The following AFG2A variants were observed in gnomAD, a reference collection of about 807,000 sequenced individuals.
AFG2A encodes ATPase family gene 2 protein homolog A.
At chr4:123,080,266 G>A in the AFG2A span, among the ~76,000 whole-genome samples, 3 of 152,174 alleles carry the variant, frequency 2.0e-5, no homozygotes, top group Non-Finnish European at 2.9e-5. Flanking sequence ...GAGAGCTAGC[G>A]CTCTCTCAAG....
the AFG2A span, among the ~76,000 whole-genome samples, chr4:123,017,875 C>T: frequency 6.6e-6 from 1 of 152,132 alleles, no homozygotes; most frequent in Non-Finnish European, 1.5e-5. Flanking sequence ...TGGCACCCAG[C>T]AAGCAAGAGG....
chr4:123,023,152 T>C, the AFG2A span, among the ~76,000 whole-genome samples: 1 of 151,546 alleles, frequency 6.6e-6, no homozygotes, highest in Non-Finnish European at 1.5e-5. Flanking sequence ...AACCTGCACA[T>C]TGTGCACATG....
At chr4:123,176,253 G>A in the AFG2A span, among the ~76,000 whole-genome samples, 1 of 152,102 alleles carries the variant, frequency 6.6e-6, no homozygotes, top group Non-Finnish European at 1.5e-5. Context: ...GTCTTGATCT[G>A]TTACTGTCAC....
At chr4:123,183,731 A>C in the AFG2A span, among the ~76,000 whole-genome samples, 9 of 152,200 alleles carry the variant, frequency 5.9e-5, no homozygotes, top group Non-Finnish European at 1.3e-4. Context: ...TGCTTGATTT[A>C]CATGAGGCCC....
At chr4:123,310,372 TG>T in the AFG2A span, among the ~76,000 whole-genome samples, 1 of 152,260 alleles carries the variant, frequency 6.6e-6, no homozygotes, top group Non-Finnish European at 1.5e-5. Flanking sequence ...TTCTCCATTC[TG>T]TCTACTGAGG....
the AFG2A span, among the ~76,000 whole-genome samples, chr4:123,044,707 C>A: frequency 6.6e-6 from 1 of 152,020 alleles, no homozygotes. Context: ...TTTTTGAAGA[C>A]CCCTCATATA....
chr4:122,997,855 A>G, the AFG2A span, among the ~76,000 whole-genome samples: 1 of 152,076 alleles, frequency 6.6e-6, no homozygotes, highest in Non-Finnish European at 1.5e-5. Context: ...GTAAAGTATT[A>G]TCTCATTGTG....
At chr4:123,163,442 A>C in the AFG2A span, among the ~76,000 whole-genome samples, 2 of 152,274 alleles carry the variant, frequency 1.3e-5, no homozygotes, top group South Asian at 2.1e-4. Context: ...ACTCCATCTC[A>C]AAAAAACAAA....
At chr4:123,065,484 T>C in the AFG2A span, among the ~76,000 whole-genome samples, 124 of 152,268 alleles carry the variant, frequency 8.1e-4, 1 homozygote, top group African/African-American at 2.7e-3. Flanking sequence ...ACTAGAAAAG[T>C]TCAATGTTTC....
the AFG2A span, among the ~76,000 whole-genome samples, chr4:123,088,216 C>G: frequency 6.6e-6 from 1 of 152,122 alleles, no homozygotes; most frequent in African/African-American, 2.4e-5. Flanking sequence ...TCCTTTCACC[C>G]TTTGCTTGCC....
the AFG2A span, among the ~76,000 whole-genome samples, chr4:122,978,878 C>T: frequency 6.6e-6 from 1 of 152,222 alleles, no homozygotes; most frequent in African/African-American, 2.4e-5. Context: ...AAAAGTTTTT[C>T]TGGGACTGGG....
the AFG2A span, among the ~76,000 whole-genome samples, chr4:122,979,049 A>G: frequency 5.5e-3 from 830 of 152,262 alleles, 3 homozygotes; most frequent in Non-Finnish European, 9.2e-3. Context: ...CTTGGAAAAG[A>G]GCAGGGCTCC....
chr4:123,179,447 T>G, the AFG2A span, among the ~76,000 whole-genome samples: 1 of 152,198 alleles, frequency 6.6e-6, no homozygotes, highest in Non-Finnish European at 1.5e-5. Context: ...TCCAAGTGAT[T>G]CTTGATTCTC....
the AFG2A span, among the ~76,000 whole-genome samples, chr4:122,997,759 T>C: frequency 1.3e-5 from 2 of 152,208 alleles, no homozygotes; most frequent in African/African-American, 4.8e-5. Flanking sequence ...TTCTTACCAG[T>C]AATATATACA....
At chr4:123,113,799 G>A in the AFG2A span, among the ~76,000 whole-genome samples, 2 of 152,096 alleles carry the variant, frequency 1.3e-5, no homozygotes. Context: ...ACAAGTGGAG[G>A]GTGAGCAAGA....
At chr4:123,280,781 C>T in the AFG2A span, among the ~76,000 whole-genome samples, 1 of 152,124 alleles carries the variant, frequency 6.6e-6, no homozygotes, top group African/African-American at 2.4e-5. Context: ...AATTTTAATT[C>T]CATGTGTAAC....
At chr4:122,979,895 C>T in the AFG2A span, among the ~76,000 whole-genome samples, 1 of 152,050 alleles carries the variant, frequency 6.6e-6, no homozygotes, top group South Asian at 2.1e-4. Context: ...GAGACCCTGT[C>T]TCAAAAACAA....
the AFG2A span, among the ~76,000 whole-genome samples, chr4:123,228,354 G>A: frequency 1.3e-5 from 2 of 151,806 alleles, no homozygotes; most frequent in Non-Finnish European, 2.9e-5. Flanking sequence ...GCAGTGGCTG[G>A]TACCGGTTGT....
the AFG2A span, among the ~76,000 whole-genome samples, chr4:123,172,872 A>G: frequency 6.6e-6 from 1 of 152,160 alleles, no homozygotes; most frequent in Admixed American, 6.5e-5. Flanking sequence ...TTTGGGACTC[A>G]TTATGAAGTC....
Sources: gnomAD v4.1 joint callset for allele counts (sites outside exome capture counted in the v4.1 genomes callset) on GRCh38, gnomAD v4.1.1 for gene constraint, MANE v1.5 for transcripts, NCBI Gene and HGNC (gene_info 2026-07-23, HGNC 2026-07-21) for gene names.